MICAL3: variants seen among roughly 807,000 people sequenced by gnomAD.
MICAL3 encodes the protein [F-actin]-monooxygenase MICAL3.
Under a neutral mutation model 207.4 loss-of-function variants are expected in MICAL3, and 62 were observed. That is an observed-to-expected ratio of 0.30 (90% confidence interval 0.24 to 0.37). MICAL3 has a LOEUF of 0.37. Ranked by LOEUF, MICAL3 falls within the 10% of genes least tolerant of loss-of-function variation. The pLI is 1.00. For missense variants in MICAL3, 2,368 were observed against 2,635.6 expected (o/e 0.90, Z 2.22); for synonymous variants, 1,077 against 1,069.3 (o/e 1.01, Z -0.14).
chr22:17,794,665 C>T (rs922717839), intron 29 of MICAL3, among the ~76,000 whole-genome samples: 12 of 152,218 alleles, frequency 7.9e-5, no homozygotes, highest in Non-Finnish European at 1.8e-4. Flanking sequence ...CCCCATGCTG[C>T]AGCTGGGGGC....
chr22:17,869,017 T>C (rs1927449756), intron 17 of MICAL3, among the ~76,000 whole-genome samples: 1 of 152,106 alleles, frequency 6.6e-6, no homozygotes, highest in Non-Finnish European at 1.5e-5. Flanking sequence ...CATGGAGATG[T>C]GAAACACAGG....
At chr22:17,801,758 G>A (rs1416214993) in intron 29 of MICAL3, among the ~76,000 whole-genome samples, 2 of 152,038 alleles carry the variant, frequency 1.3e-5, no homozygotes, top group Non-Finnish European at 2.9e-5. Context: ...GCTGGGTGGG[G>A]TGGTGGGTAC....
At chr22:17,989,191 G>A (rs1158684580) in intron 1 of MICAL3, among the ~76,000 whole-genome samples, 3 of 152,050 alleles carry the variant, frequency 2.0e-5, no homozygotes, top group East Asian at 3.9e-4. Context: ...AGCCCTCAAC[G>A]CCATGCCTTT....
chr22:17,967,004 T>A (rs1935172017), intron 1 of MICAL3, among the ~76,000 whole-genome samples: 1 of 152,174 alleles, frequency 6.6e-6, no homozygotes, highest in Admixed American at 6.5e-5. Flanking sequence ...AATCTGTAAG[T>A]ACTTCCTGGG....
intron 21 of MICAL3, among the ~76,000 whole-genome samples, chr22:17,828,265 C>A (rs935296076): frequency 1.3e-5 from 2 of 152,242 alleles, no homozygotes; most frequent in Non-Finnish European, 2.9e-5. Context: ...CACCACCACT[C>A]GCCCAGCTGA....
chr22:17,846,975 G>C (rs991250384), intron 19 of MICAL3, among the ~76,000 whole-genome samples: 1 of 152,230 alleles, frequency 6.6e-6, no homozygotes. Flanking sequence ...CATTCTGGAA[G>C]AAACGTTTCT....
At chr22:17,988,399 C>A (rs185752383) in intron 1 of MICAL3, among the ~76,000 whole-genome samples, 1 of 151,180 alleles carries the variant, frequency 6.6e-6, no homozygotes, top group African/African-American at 2.4e-5. Flanking sequence ...CACACCACCA[C>A]CCACACGCCA....
intron 20 of MICAL3, among the ~76,000 whole-genome samples, chr22:17,838,260 C>G (rs568507974): frequency 7.2e-5 from 11 of 152,348 alleles, no homozygotes; most frequent in South Asian, 2.1e-4. Flanking sequence ...CCCAGAGGCG[C>G]TGAATCAGAA....
At chr22:18,000,784 G>A (rs1015643086) in intron 1 of MICAL3, among the ~76,000 whole-genome samples, 6 of 152,334 alleles carry the variant, frequency 3.9e-5, no homozygotes, top group South Asian at 4.1e-4. Flanking sequence ...GCGCGCCGGG[G>A]TCCTCTCGGC....
At chr22:17,872,215 C>T (rs1433185470) in intron 16 of MICAL3, among the ~76,000 whole-genome samples, 192 bp from the exon 17 acceptor site, 1 of 152,230 alleles carries the variant, frequency 6.6e-6, no homozygotes, top group Non-Finnish European at 1.5e-5. Flanking sequence ...ACAGTCACTG[C>T]CTCCACGCAC....
At chr22:17,872,120 C>T (rs1927783898) in intron 16 of MICAL3, 97 bp from the exon 17 acceptor site, 1 of 1,026,582 alleles carries the variant, frequency 9.7e-7, no homozygotes, top group African/African-American at 1.6e-5. Context: ...AGCCAACCCT[C>T]ACTAAGGGGT....
intron 1 of MICAL3, among the ~76,000 whole-genome samples, chr22:17,926,685 A>G (rs889073831): frequency 2.6e-5 from 4 of 152,136 alleles, no homozygotes; most frequent in Non-Finnish European, 5.9e-5. Context: ...CACCGCTCCT[A>G]CTTCCCACTG....
chr22:17,826,053 A>G (rs5992863), intron 22 of MICAL3, among the ~76,000 whole-genome samples: 73,438 of 151,994 alleles, frequency 0.48, 19,621 homozygotes, highest in African/African-American at 0.71. Context: ...TGGTTTTGAC[A>G]GCCTCCTTCT....
chr22:17,851,121 T>C (rs1925279041), intron 19 of MICAL3, among the ~76,000 whole-genome samples: 1 of 152,208 alleles, frequency 6.6e-6, no homozygotes, highest in Non-Finnish European at 1.5e-5. Flanking sequence ...CTGGGTAAGA[T>C]CTCAGAAAGG....
intron 1 of MICAL3, among the ~76,000 whole-genome samples, chr22:17,935,916 T>G (rs1342755341): frequency 1.3e-5 from 2 of 152,118 alleles, no homozygotes; most frequent in Non-Finnish European, 2.9e-5. Flanking sequence ...CATTAAAAAG[T>G]CAGGAAACAA....
chr22:17,896,274 T>C lies in MICAL3; in HGVS notation c.1294A>G (p.Thr432Ala). 1 of 1,558,234 alleles carries C rather than the reference T, an allele frequency of 6.4e-7. No homozygotes were observed. The highest frequency in any genetic ancestry group is 8.7e-7 in the Non-Finnish European group (1 of 1,150,580). Reference sequence around the variant, plus strand: ...TCTGCCAGCACTTCCAAAGGGCTCGTTCCTAGAGACCAACTTCGGACCATC... The same window carrying C: ...TCTGCCAGCACTTCCAAAGGGCTCGCTCCTAGAGACCAACTTCGGACCATC... ...AWMVRSWSLG[T>A]SPLEVLAERE... Residue 432 changes from threonine to alanine, a missense_variant, in exon 9 of 32, where the codon ACG becomes GCG. Transcript: ENST00000441493.
At chr22:17,863,384 A>C in intron 19 of MICAL3, 3 of 985,402 alleles carry the variant, frequency 3.0e-6, no homozygotes, top group Non-Finnish European at 3.6e-6. Flanking sequence ...CTGAATGTAC[A>C]TTCTATAGCA....
At chr22:17,810,418 G>A (rs537250876) in intron 28 of MICAL3, among the ~76,000 whole-genome samples, 9 of 151,184 alleles carry the variant, frequency 6.0e-5, no homozygotes, top group Middle Eastern at 7.1e-3. Context: ...GGCTGGTCTC[G>A]AACTCCTGAC....
chr22:17,876,856 T>TGGAGGTTAGGGAGGTTATGGAGGTTAG (rs1928523571), intron 16 of MICAL3: 1 of 25,602 alleles, frequency 3.9e-5, no homozygotes, highest in Non-Finnish European at 8.3e-5. Context: ...AGGGAGGTTA[T>TGGAGGTTAGGGAGGTTATGGAGGTTAG]GGAGGTTAGG....
Sources: gnomAD v4.1 joint callset for allele counts (sites outside exome capture counted in the v4.1 genomes callset) on GRCh38, gnomAD v4.1.1 for gene constraint, MANE v1.5 for transcripts, NCBI Gene and HGNC (gene_info 2026-07-23, HGNC 2026-07-21) for gene names.